Variants in PDE3B observed in about 807,000 individuals in gnomAD.
PDE3B encodes cGMP-inhibited 3',5'-cyclic phosphodiesterase 3B.
Under a neutral mutation model 116.8 loss-of-function variants are expected in PDE3B, and 66 were observed. The ratio of observed to expected loss-of-function variants is 0.56; its 90% confidence interval spans 0.46 to 0.69. The LOEUF is 0.69. Among genes scored for constraint, PDE3B ranks in the 30% least tolerant of loss-of-function variants. PDE3B has a pLI of 0.00. For synonymous variants in PDE3B, 595 were observed against 533.6 expected (o/e 1.12, Z -1.59); for missense variants, 1,384 against 1,368.1 (o/e 1.01, Z -0.18).
At chr11:14,679,439 A>G (rs1022592771) in intron 1 of PDE3B, among the ~76,000 whole-genome samples, 2 of 152,032 alleles carry the variant, frequency 1.3e-5, no homozygotes, top group Admixed American at 6.5e-5. Flanking sequence ...ATTTTGTCCA[A>G]TTCTTTGTTC....
chr11:14,817,302 G>A (rs1184953265), intron 5 of PDE3B, among the ~76,000 whole-genome samples: 3 of 151,910 alleles, frequency 2.0e-5, no homozygotes, highest in Admixed American at 2.0e-4. Flanking sequence ...GGGGGGACGG[G>A]GGATGGATAG....
the PDE3B span, among the ~76,000 whole-genome samples, chr11:14,890,272 A>T: frequency 2.8e-4 from 43 of 152,144 alleles, no homozygotes; most frequent in East Asian, 8.1e-3. Flanking sequence ...AGAAGACCTG[A>T]CCTCTAGTCT....
At chr11:14,706,648 A>G (rs1404057422) in intron 1 of PDE3B, among the ~76,000 whole-genome samples, 1 of 151,974 alleles carries the variant, frequency 6.6e-6, no homozygotes, top group Non-Finnish European at 1.5e-5. Flanking sequence ...TTAAAGAAAA[A>G]TACGGTGATA....
chr11:14,721,926 T>TAAA (rs1200588371), intron 1 of PDE3B, among the ~76,000 whole-genome samples: 1 of 116,498 alleles, frequency 8.6e-6, no homozygotes, highest in African/African-American at 3.2e-5. Flanking sequence ...AAAGTATAAT[T>TAAA]AAAAAAAAAA....
At chr11:14,654,473 G>T (rs1853651408) in intron 1 of PDE3B, among the ~76,000 whole-genome samples, 1 of 152,086 alleles carries the variant, frequency 6.6e-6, no homozygotes, top group Non-Finnish European at 1.5e-5. Flanking sequence ...TAGGAAAAGT[G>T]CAAGCTAAAA....
intron 12 of PDE3B, among the ~76,000 whole-genome samples, chr11:14,850,795 C>G (rs1305670503): frequency 6.6e-6 from 1 of 152,016 alleles, no homozygotes; most frequent in African/African-American, 2.4e-5. Context: ...TAGCTTTAAA[C>G]ATTAGGACTT....
chr11:14,849,761 A>G (rs1847701278), intron 12 of PDE3B, among the ~76,000 whole-genome samples: 2 of 152,218 alleles, frequency 1.3e-5, no homozygotes. Flanking sequence ...TGGCCATCCG[A>G]GAAATGCAAA....
At chr11:14,816,279 A>G (rs572281758) in intron 5 of PDE3B, among the ~76,000 whole-genome samples, 1 of 152,360 alleles carries the variant, frequency 6.6e-6, no homozygotes, top group South Asian at 2.1e-4. Context: ...CATCTATACT[A>G]GTGTTTGAAT....
intron 1 of PDE3B, among the ~76,000 whole-genome samples, chr11:14,729,510 CA>C (rs1487077148): frequency 6.6e-6 from 1 of 152,176 alleles, no homozygotes. Context: ...TTTACTTCTC[CA>C]TTTTATCCCC....
At chr11:14,678,968 A>G (rs1023084875) in intron 1 of PDE3B, among the ~76,000 whole-genome samples, 4 of 152,156 alleles carry the variant, frequency 2.6e-5, no homozygotes, top group East Asian at 1.9e-4. Context: ...ATTTTCTCCT[A>G]CATACAGAAT....
At chr11:14,778,597 T>C (rs1460648485) in intron 2 of PDE3B, among the ~76,000 whole-genome samples, 1 of 152,154 alleles carries the variant, frequency 6.6e-6, no homozygotes, top group African/African-American at 2.4e-5. Context: ...GACCTGCAGC[T>C]GAGGTTCCTG....
downstream of PDE3B, among the ~76,000 whole-genome samples, chr11:14,875,010 G>A (rs1235876035): frequency 7.9e-5 from 12 of 152,004 alleles, no homozygotes; most frequent in Non-Finnish European, 1.5e-4. Flanking sequence ...TCCCAGGTAG[G>A]AGCACCACCA....
At chr11:14,670,479 A>C (rs1233144275) in intron 1 of PDE3B, among the ~76,000 whole-genome samples, 1 of 152,156 alleles carries the variant, frequency 6.6e-6, no homozygotes, top group Non-Finnish European at 1.5e-5. Context: ...CCAGTATCAG[A>C]ATCAGGAGTA....
intron 5 of PDE3B, among the ~76,000 whole-genome samples, chr11:14,806,358 G>A (rs1217058758): frequency 2.6e-5 from 4 of 151,628 alleles, no homozygotes; most frequent in Non-Finnish European, 5.9e-5. Context: ...TGAGGCAGGA[G>A]AATGGCATGA....
At chr11:14,845,920 A>AG (rs1433030385) in intron 12 of PDE3B, among the ~76,000 whole-genome samples, 5 of 152,238 alleles carry the variant, frequency 3.3e-5, no homozygotes, top group Admixed American at 3.3e-4. Context: ...ACTCTGTAGG[A>AG]TATTATCCAG....
At chr11:14,795,464 T>C (rs1046763927) in intron 4 of PDE3B, among the ~76,000 whole-genome samples, 1 of 152,224 alleles carries the variant, frequency 6.6e-6, no homozygotes, top group East Asian at 1.9e-4. Context: ...TGTAATTTCA[T>C]TGAGGTGTGT....
chr11:14,768,509 GT>G (rs1215550645), intron 1 of PDE3B, among the ~76,000 whole-genome samples: 1 of 151,488 alleles, frequency 6.6e-6, no homozygotes, highest in African/African-American at 2.4e-5. Context: ...TCAACATTAT[GT>G]TTCTGAGATC....
intron 1 of PDE3B, among the ~76,000 whole-genome samples, chr11:14,737,083 G>A (rs536410927): frequency 2.0e-5 from 3 of 152,026 alleles, no homozygotes; most frequent in East Asian, 1.9e-4. Context: ...ACATAGGCTC[G>A]TAATAAAGAA....
At chr11:14,776,942 T>C (rs1857805442) in intron 2 of PDE3B, among the ~76,000 whole-genome samples, 2 of 152,138 alleles carry the variant, frequency 1.3e-5, no homozygotes, top group South Asian at 4.1e-4. Flanking sequence ...GAATCAGATT[T>C]GGAATTATCT....
Sources: gnomAD v4.1 joint callset for allele counts (sites outside exome capture counted in the v4.1 genomes callset) on GRCh38, gnomAD v4.1.1 for gene constraint, MANE v1.5 for transcripts, NCBI Gene and HGNC (gene_info 2026-07-23, HGNC 2026-07-21) for gene names.